Variants in IQCJ observed in about 807,000 individuals in gnomAD.
The protein encoded by IQCJ is IQ domain-containing protein J.
IQCJ carries 9 observed loss-of-function variants against 11.0 expected under a neutral mutation model. The observed-to-expected ratio is 0.82, with a 90% CI of 0.49 to 1.43. The LOEUF (loss-of-function observed/expected upper bound fraction) is 1.43, where lower values mean the gene tolerates loss of function less well. Among genes scored for constraint, IQCJ ranks in the 40% most tolerant of loss-of-function variants. The pLI is 0.00. For synonymous variants in IQCJ, 55 were observed against 51.3 expected, an observed-to-expected ratio of 1.07 and a Z score of -0.31; for missense variants, 146 against 133.2, an observed-to-expected ratio of 1.10 and a Z score of -0.47.
At chr3:159,102,471 T>A (rs1717996263) in intron 1 of IQCJ, among the ~76,000 whole-genome samples, 1 of 152,212 alleles carries the variant, frequency 6.6e-6, no homozygotes, top group Non-Finnish European at 1.5e-5. Context: ...CATTAATTCA[T>A]GAATTAGGCT....
intron 1 of IQCJ, among the ~76,000 whole-genome samples, chr3:159,190,997 A>T (rs1211302180): frequency 6.6e-6 from 1 of 152,140 alleles, no homozygotes; most frequent in Non-Finnish European, 1.5e-5. Context: ...TCTTATGCGG[A>T]TGTTCCTATT....
intron 1 of IQCJ, among the ~76,000 whole-genome samples, chr3:159,227,688 T>G (rs1389765069): frequency 6.6e-6 from 1 of 152,198 alleles, no homozygotes; most frequent in East Asian, 1.9e-4. Flanking sequence ...GCGGGAACAT[T>G]CCTCAAAGAG....
intron 1 of IQCJ, among the ~76,000 whole-genome samples, chr3:159,168,785 C>G (rs1355377886): frequency 6.6e-6 from 1 of 151,558 alleles, no homozygotes; most frequent in Non-Finnish European, 1.5e-5. Context: ...ACTCTTGAAA[C>G]AAAACACTTT....
At chr3:159,171,675 G>A (rs933090318) in intron 1 of IQCJ, among the ~76,000 whole-genome samples, 10 of 152,126 alleles carry the variant, frequency 6.6e-5, no homozygotes, top group African/African-American at 9.7e-5. Flanking sequence ...ACTATTTCTC[G>A]GGCTTCAGTA....
rs1002692371 is a variant in IQCJ, at chr3:159,089,666, C to A, written c.9+20225C>A. Among the ~76,000 whole-genome samples the A allele has an allele frequency of 2.5e-4, 38 of 151,824 alleles. 1 individual carries two copies. Among genetic ancestry groups the A allele is most frequent in the African/African-American group, 9.0e-4 (37 of 41,192 alleles). On this transcript the variant is annotated intron_variant, in intron 1 of 3. Coordinates refer to ENST00000397832, the MANE Select transcript of IQCJ (RefSeq NM_001042706.3). ...ACTTCCCTTCTCGCTTCATTTCATT[C>A]ATTTCATCTTCCATTGCTGATACCC...
At chr3:159,177,029 G>A (rs777458599) in intron 1 of IQCJ, among the ~76,000 whole-genome samples, 6 of 152,172 alleles carry the variant, frequency 3.9e-5, no homozygotes, top group Non-Finnish European at 7.4e-5. Flanking sequence ...ATTGTTACAT[G>A]CTAGAAAGTG....
chr3:159,227,250 G>A (rs540313525), intron 1 of IQCJ, among the ~76,000 whole-genome samples: 28 of 152,224 alleles, frequency 1.8e-4, no homozygotes, highest in East Asian at 7.7e-4. Flanking sequence ...AGGTTTGGCC[G>A]TGGCAAATTA....
At chr3:159,229,816 G>C (rs529266055) in intron 1 of IQCJ, among the ~76,000 whole-genome samples, 1 of 272 alleles carries the variant, frequency 3.7e-3, no homozygotes, top group Non-Finnish European at 5.6e-3. Context: ...CCTCCTCCCC[G>C]CTCCTCCTCC....
At chr3:159,193,768 G>C (rs1010836431) in intron 1 of IQCJ, among the ~76,000 whole-genome samples, 11 of 152,192 alleles carry the variant, frequency 7.2e-5, no homozygotes, top group African/African-American at 2.7e-4. Flanking sequence ...GCCATATGGA[G>C]GATCACTGGT....
chr3:159,206,495 T>C (rs1353747022), intron 1 of IQCJ, among the ~76,000 whole-genome samples: 1 of 152,208 alleles, frequency 6.6e-6, no homozygotes, highest in Non-Finnish European at 1.5e-5. Context: ...TCAATCAAGA[T>C]GTTCACCTTG....
chr3:159,253,684 A>G (rs1021473136), intron 3 of IQCJ, among the ~76,000 whole-genome samples: 2 of 151,934 alleles, frequency 1.3e-5, no homozygotes, highest in African/African-American at 2.4e-5. Flanking sequence ...TTTAAACGAG[A>G]ATGTTAACAT....
Position 159,181,454 on chromosome 3 carries a change from T to C in IQCJ, c.10-64389T>C, listed in dbSNP as rs533601032. On this transcript the variant is annotated intron_variant, in intron 1 of 3. Transcript: ENST00000397832. ...CTTCCTGCCCAGTGAGAATGACTTCTGAATCTACCTCTTTATCCCTGAGTT... is the reference window on the plus strand; with the variant it reads ...CTTCCTGCCCAGTGAGAATGACTTCCGAATCTACCTCTTTATCCCTGAGTT... Among the ~76,000 whole-genome samples the C allele has an allele frequency of 5.1e-3, 764 of 148,776 alleles. 4 individuals are homozygous for C. Among genetic ancestry groups the C allele is most frequent in the Non-Finnish European group, 7.3e-3 (487 of 66,952 alleles).
At chr3:159,215,643 G>A (rs571362174) in intron 1 of IQCJ, among the ~76,000 whole-genome samples, 24 of 152,106 alleles carry the variant, frequency 1.6e-4, no homozygotes, top group Non-Finnish European at 2.5e-4. Flanking sequence ...GTAGGAGAGA[G>A]AAGTCAATTG....
intron 1 of IQCJ, among the ~76,000 whole-genome samples, chr3:159,177,068 A>G (rs1306020916): frequency 6.6e-6 from 1 of 152,204 alleles, no homozygotes; most frequent in Non-Finnish European, 1.5e-5. Flanking sequence ...TCCTGCTAGT[A>G]ACACTTTTAT....
chr3:159,249,432 G>T (rs1308706366), intron 2 of IQCJ, among the ~76,000 whole-genome samples: 1 of 152,054 alleles, frequency 6.6e-6, no homozygotes, highest in Non-Finnish European at 1.5e-5. Context: ...AGGAATTCCA[G>T]CAATGGGAAT....
intron 1 of IQCJ, chr3:159,069,714 A>AAAATC: frequency 1.7e-6 from 1 of 573,464 alleles, no homozygotes; most frequent in South Asian, 1.8e-5. Context: ...AACACTTCCT[A>AAAATC]TGAACATCCA....
chr3:159,263,199 C>T lies in IQCJ; in HGVS notation c.*468C>T, dbSNP rs1362115876. The stretch of plus-strand genomic sequence containing the variant: ...GGCTACACGGAGAACATAGACCTCA[C>T]CTGAAGGGCAGCGCACTTGGCTCCT... On this transcript the variant is annotated 3_prime_UTR_variant, in exon 4 of 4. Coordinates refer to ENST00000397832, the MANE Select transcript of IQCJ (RefSeq NM_001042706.3). 8.6e-6 allele frequency: 4 copies of T among 464,530 alleles called. No individual in the cohort carries two copies. The highest frequency in any genetic ancestry group is 1.1e-5 in the Non-Finnish European group (4 of 353,982). The allele number at this position is 464,530 out of a possible 1,614,324, so 28.8% of individuals were successfully genotyped here.
At chr3:159,120,350 C>T (rs1203373646) in intron 1 of IQCJ, among the ~76,000 whole-genome samples, 6 of 152,198 alleles carry the variant, frequency 3.9e-5, no homozygotes, top group Non-Finnish European at 8.8e-5. Flanking sequence ...GGGACCTAGG[C>T]TTCTCCTTTT....
At chr3:159,224,473 G>A (rs1725728140) in intron 1 of IQCJ, among the ~76,000 whole-genome samples, 1 of 152,112 alleles carries the variant, frequency 6.6e-6, no homozygotes, top group Non-Finnish European at 1.5e-5. Context: ...TAAGCAAACA[G>A]TAGATAAAGA....
Sources: allele counts gnomAD v4.1 joint callset (sites outside exome capture counted in the v4.1 genomes callset), GRCh38; gene constraint gnomAD v4.1.1; transcripts MANE v1.5; gene names NCBI Gene and HGNC (gene_info 2026-07-23, HGNC 2026-07-21).